The following IPO7 variants were observed in gnomAD, a reference collection of about 807,000 sequenced individuals.
The protein encoded by IPO7 is importin 7.
In IPO7, 13 loss-of-function variants were observed where a neutral mutation model predicts 136.4. That is an observed-to-expected ratio of 0.10 (90% CI 0.06 to 0.15). The LOEUF (loss-of-function observed/expected upper bound fraction) is 0.15. IPO7 is among the 10% of genes least tolerant of loss of function. The pLI, the probability that IPO7 is intolerant of heterozygous loss-of-function variation, is 1.00. For missense variants in IPO7, 857 were observed against 1,240.6 expected (o/e 0.69, Z 4.65); for synonymous variants, 403 against 404.4 (o/e 1.00, Z 0.04).
chr11:9,407,818 C>A (rs890890594), intron 2 of IPO7, among the ~76,000 whole-genome samples: 4 of 152,170 alleles, frequency 2.6e-5, no homozygotes, highest in African/African-American at 9.7e-5. Flanking sequence ...TGTTCTCCCC[C>A]ACTCTCTGAA....
intron 22 of IPO7, among the ~76,000 whole-genome samples, chr11:9,440,060 A>T (rs1466456927): frequency 6.6e-6 from 1 of 152,260 alleles, no homozygotes; most frequent in Non-Finnish European, 1.5e-5. Context: ...CTATCAGTGT[A>T]TAAATTGATA....
In IPO7 at chr11:9,429,201, AG is replaced by A; in HGVS notation, c.1591+7del. ...TGATCAGCAATCAAGAAAAAGGTAA[AG>A]GATTTTTGTATGTCAAGAAAAGTGA... On this transcript the variant is annotated splice_donor_region_variant and intron_variant, in intron 14 of 24. Coordinates refer to ENST00000379719, the MANE Select transcript of IPO7 (RefSeq NM_006391.3). 6.2e-7 allele frequency: 1 copy of A among 1,611,084 alleles called. No homozygotes were observed. Among genetic ancestry groups the A allele is most frequent in the Non-Finnish European group, 8.5e-7 (1 of 1,178,634 alleles).
intron 5 of IPO7, among the ~76,000 whole-genome samples, chr11:9,414,996 A>G (rs1393458089): frequency 1.3e-5 from 2 of 152,040 alleles, no homozygotes; most frequent in African/African-American, 4.8e-5. Flanking sequence ...AAATTAGTCA[A>G]TTTAGAAAGT....
intron 4 of IPO7, among the ~76,000 whole-genome samples, chr11:9,411,899 A>G (rs1854972851): frequency 6.6e-6 from 1 of 152,202 alleles, no homozygotes; most frequent in African/African-American, 2.4e-5. Context: ...GTAGGAGAGA[A>G]TATCTGATGT....
chr11:9,421,854 G>C (rs1423481761), intron 8 of IPO7, among the ~76,000 whole-genome samples: 1 of 151,642 alleles, frequency 6.6e-6, no homozygotes, highest in African/African-American at 2.4e-5. Context: ...TGAGGCAAGA[G>C]AATGGCGTGA....
Position 9,447,185 on chromosome 11 carries a change from A to G in IPO7, c.*1991A>G. ...CACTGCTTTTTGAATTCATAATTCTAATTTTCACATTATTGTTAATGGAAA... is the reference window on the plus strand; with the variant it reads ...CACTGCTTTTTGAATTCATAATTCTGATTTTCACATTATTGTTAATGGAAA... On this transcript the variant is annotated 3_prime_UTR_variant, in exon 25 of 25. Transcript: ENST00000379719. 6.6e-6 allele frequency: 1 copy of G among 152,170 alleles called. No individual in the cohort carries two copies. The highest frequency in any genetic ancestry group is 1.9e-4 in the East Asian group (1 of 5,202). The allele number at this position is 152,170 out of a possible 1,614,324, so 9.4% of individuals were successfully genotyped here. A position where few individuals can be genotyped will look rare whatever the true frequency, so the allele number is the denominator to read the frequency against.
At chr11:9,437,410 A>G (rs1236073898) in intron 20 of IPO7, among the ~76,000 whole-genome samples, 1 of 145,992 alleles carries the variant, frequency 6.8e-6, no homozygotes, top group Non-Finnish European at 1.5e-5. Flanking sequence ...ACCCGCCACC[A>G]CGCCTGGCTA....
chr11:9,388,351 A>G (rs1185210762), intron 1 of IPO7, among the ~76,000 whole-genome samples: 1 of 151,234 alleles, frequency 6.6e-6, no homozygotes, highest in African/African-American at 2.4e-5. Context: ...CTAATTCTGT[A>G]TTTTTAGCAG....
At chr11:9,440,391 T>A (rs1855445490) in intron 22 of IPO7, 64 bp from the exon 23 acceptor site, 7 of 1,297,984 alleles carry the variant, frequency 5.4e-6, no homozygotes, top group Non-Finnish European at 7.8e-6. Flanking sequence ...TTGAGATGAT[T>A]GTCAATTTGT....
intron 12 of IPO7, among the ~76,000 whole-genome samples, chr11:9,426,377 A>G (rs1356582726): frequency 1.3e-5 from 2 of 152,178 alleles, no homozygotes; most frequent in African/African-American, 4.8e-5. Flanking sequence ...TTGCCAAATT[A>G]TATTTCATTA....
intron 6 of IPO7, chr11:9,420,134 T>C (rs947802442): frequency 4.1e-5 from 13 of 318,920 alleles, no homozygotes; most frequent in Non-Finnish European, 6.4e-5. Flanking sequence ...CCATCCTGGC[T>C]AACCCCGTCT....
At chr11:9,425,362 TTC>T (rs1348095866) in intron 12 of IPO7, 100 bp downstream of exon 12, 4 of 741,318 alleles carry the variant, frequency 5.4e-6, no homozygotes, top group Non-Finnish European at 9.4e-6. Context: ...TCCCAGCACT[TTC>T]GGGATGCTGA....
chr11:9,404,749 G>GT (rs1318703944), intron 2 of IPO7, among the ~76,000 whole-genome samples: 3 of 151,758 alleles, frequency 2.0e-5, no homozygotes, highest in Non-Finnish European at 4.4e-5. Flanking sequence ...GTATTTTTTA[G>GT]TAGAGACGGG....
At position 9,403,304 on chromosome 11, in the gene IPO7, G is replaced by A. The variant is rs145912781; in HGVS notation, c.99G>A (p.Leu33=). 1.0e-4 allele frequency: 161 copies of A among 1,613,014 alleles called. No individual in the cohort carries two copies. The highest frequency in any genetic ancestry group is 1.3e-4 in the Non-Finnish European group (153 of 1,179,302). ...TTTCTTTGTAGGCACACAAGTCTCT[G>A]AATTTTGTCTCAACACTGCTCCAGA... ...ERQLNEAHKS[L]NFVSTLLQIT... is the part of the protein sequence containing the mutation. The change falls in exon 2 of 25, where the codon CTG becomes CTA. Residue 33 remains leucine, a synonymous_variant. Coordinates refer to ENST00000379719, the MANE Select transcript of IPO7 (RefSeq NM_006391.3).
chr11:9,437,963 C>T lies in IPO7; in HGVS notation c.2478C>T (p.Asp826=), dbSNP rs1343436983. The stretch of plus-strand genomic sequence containing the variant: ...TTACACAGTGGCTTAATGATGTTGA[C>T]TGTTTCTTGGGGTAAGTGATGTATT... ...HFITQWLNDV[D]CFLGLHDRKM... The change falls in exon 21 of 25, where the codon GAC becomes GAT. Residue 826 remains aspartate, a synonymous_variant. Coordinates refer to ENST00000379719, the MANE Select transcript of IPO7 (RefSeq NM_006391.3). 6.2e-7 allele frequency: 1 copy of T among 1,609,292 alleles called. No homozygotes were observed. Among genetic ancestry groups the T allele is most frequent in the South Asian group, 1.1e-5 (1 of 90,930 alleles).
At chr11:9,386,833 C>T (rs1425042677) in intron 1 of IPO7, among the ~76,000 whole-genome samples, 1 of 152,186 alleles carries the variant, frequency 6.6e-6, no homozygotes, top group Non-Finnish European at 1.5e-5. Context: ...CACCGCTAAT[C>T]TGTCAAAGAA....
chr11:9,436,192 G>A, intron 19 of IPO7, 79 bp from the exon 20 acceptor site: 1 of 904,646 alleles, frequency 1.1e-6, no homozygotes, highest in Admixed American at 2.0e-5. Context: ...TGTACACAGG[G>A]TAGGAAATTG....
intron 16 of IPO7, among the ~76,000 whole-genome samples, 185 bp downstream of exon 16, chr11:9,431,188 T>A (rs1306478391): frequency 6.6e-6 from 1 of 152,234 alleles, no homozygotes; most frequent in Non-Finnish European, 1.5e-5. Context: ...GTATTTGTTT[T>A]ACCATCTTAG....
chr11:9,417,887 A>G (rs181843788), intron 6 of IPO7, among the ~76,000 whole-genome samples: 1 of 150,986 alleles, frequency 6.6e-6, no homozygotes, highest in African/African-American at 2.4e-5. Flanking sequence ...TAATTTTTGT[A>G]TTTTTAGTAG....
Sources: allele counts gnomAD v4.1 joint callset (sites outside exome capture counted in the v4.1 genomes callset), GRCh38; gene constraint gnomAD v4.1.1; transcripts MANE v1.5; gene names NCBI Gene and HGNC (gene_info 2026-07-23, HGNC 2026-07-21).